Variants in SEH1L observed in about 807,000 individuals in gnomAD.
SEH1L encodes the protein SEH1 like nucleoporin, also known as nucleoporin SEH1.
A neutral mutation model predicts 49.5 loss-of-function variants in SEH1L; 18 were observed. The ratio of observed to expected loss-of-function variants is 0.36; its 90% CI spans 0.25 to 0.54. SEH1L has a LOEUF of 0.54. Ranked by LOEUF, SEH1L falls within the 20% of genes least tolerant of loss-of-function variation. The pLI, the probability that SEH1L is intolerant of heterozygous loss-of-function variation, is 0.87. For missense variants in SEH1L, 404 were observed against 528.8 expected (o/e 0.76, Z 2.31); for synonymous variants, 169 against 178.1 (o/e 0.95, Z 0.41).
chr18:12,952,152 A>G (rs960107392), intron 2 of SEH1L, among the ~76,000 whole-genome samples: 1 of 151,462 alleles, frequency 6.6e-6, no homozygotes, highest in Non-Finnish European at 1.5e-5. Context: ...TTGCCTTTAC[A>G]TATTTTAATT....
intron 8 of SEH1L, 84 bp downstream of exon 8, chr18:12,984,274 AT>A: frequency 7.3e-7 from 1 of 1,365,192 alleles, no homozygotes; most frequent in Non-Finnish European, 1.0e-6. Context: ...TATTTCATGG[AT>A]TATAAGATGG....
In SEH1L at chr18:12,969,231, C is replaced by A. The variant is rs1271026641; in HGVS notation, c.522-1922C>A. Among the ~76,000 whole-genome samples the A allele has an allele frequency of 4.0e-5, 5 of 124,372 alleles. No individual in the cohort carries two copies. The East Asian group carries it at 1.2e-3, about 30-fold the overall frequency. The allele number at this position is 124,372 out of a possible 152,430, so 81.6% of individuals were successfully genotyped here. ...TACCCGCCCCCCCCCCCCCCCCCAC[C>A]TCACCAAAAAGAAAAAACAACAAAG... is the stretch of plus-strand genomic sequence containing the variant. On this transcript the variant is annotated intron_variant, in intron 4 of 8. Coordinates refer to ENST00000399892, the MANE Select transcript of SEH1L (RefSeq NM_001013437.2).
At chr18:12,948,735 A>G (rs2030285526) in intron 1 of SEH1L, 1 of 153,344 alleles carries the variant, frequency 6.5e-6, no homozygotes, top group African/African-American at 2.4e-5. Flanking sequence ...GAAGAAAAAT[A>G]CAAACCATTT....
chr18:12,973,346 C>T (rs924217051), intron 5 of SEH1L: 1 of 150,928 alleles, frequency 6.6e-6, no homozygotes, highest in African/African-American at 2.4e-5. Flanking sequence ...GTCACCCAAG[C>T]TGGAGTGCAG....
chr18:12,957,842 A>C (rs975369887), intron 3 of SEH1L, among the ~76,000 whole-genome samples: 2 of 152,008 alleles, frequency 1.3e-5, no homozygotes, highest in Non-Finnish European at 1.5e-5. Context: ...TTAGCCCCAC[A>C]AGTAGCTGGG....
rs2031063818 is a variant in SEH1L, at chr18:12,959,412, G to C, written c.310-3748G>C. On this transcript the variant is annotated intron_variant, in intron 3 of 8. Transcript: ENST00000399892. ...GCCCAGGCTGGTCTTGAACTCCTGG[G>C]TTCAAGCGATCCTCCACCTTGGCCC... Among the ~76,000 whole-genome samples the C allele has an allele frequency of 1.3e-5, 2 of 152,154 alleles. 1 individual carries two copies. Among genetic ancestry groups the C allele is most frequent in the South Asian group, 4.1e-4 (2 of 4,826 alleles).
intron 8 of SEH1L, chr18:12,985,272 AC>A: frequency 6.2e-7 from 1 of 1,608,114 alleles, no homozygotes. Context: ...AACTGGAGTA[AC>A]TTTGCTGTTT....
chr18:12,959,085 A>G (rs2031044706), intron 3 of SEH1L, among the ~76,000 whole-genome samples: 1 of 152,116 alleles, frequency 6.6e-6, no homozygotes, highest in African/African-American at 2.4e-5. Flanking sequence ...TCTGATTTGC[A>G]TTTCTCTAAT....
At chr18:12,980,597 C>T (rs866765784) in intron 6 of SEH1L, among the ~76,000 whole-genome samples, 2 of 120,002 alleles carry the variant, frequency 1.7e-5, no homozygotes, top group African/African-American at 3.2e-5. Context: ...CCGGACGGGG[C>T]AGCTGGCCGG....
intron 1 of SEH1L, among the ~76,000 whole-genome samples, chr18:12,949,434 C>A (rs1442907157): frequency 1.7e-4 from 22 of 127,768 alleles, no homozygotes; most frequent in Non-Finnish European, 3.3e-5. Flanking sequence ...TAATAAACTA[C>A]GTTAACCGTT....
intron 1 of SEH1L, among the ~76,000 whole-genome samples, chr18:12,951,149 G>A (rs1477645394): frequency 6.6e-6 from 1 of 152,224 alleles, no homozygotes; most frequent in Non-Finnish European, 1.5e-5. Context: ...AAAAGTTTGA[G>A]TCTCAGGACA....
chr18:12,984,063 T>C lies in SEH1L; in HGVS notation c.943T>C (p.Cys315Arg). 3.7e-6 allele frequency: 6 copies of C among 1,613,608 alleles called. No individual in the cohort carries two copies. Among genetic ancestry groups the C allele is most frequent in the Non-Finnish European group, 5.1e-6 (6 of 1,179,572 alleles). Residue 315 changes from cysteine (C) to arginine (R), a missense_variant, in exon 8 of 9, where the codon TGT becomes CGT. Physicochemically the swap from Cys to Arg is radical, Grantham distance 180. Around this residue, in one of 3 missense-constraint regions of SEH1L, gnomAD observed 342 missense variants for 430.8 expected, o/e 0.79. Transcript: ENST00000399892. Reference sequence around the variant, plus strand: ...AGCTAATTATATGGACAATTGGAAGTGTACTGGTATTTTGAAAGGTAATGG... The same window carrying C: ...AGCTAATTATATGGACAATTGGAAGCGTACTGGTATTTTGAAAGGTAATGG... ...WKANYMDNWKCTGILKGNGSP... is the reference protein window; with the variant it reads ...WKANYMDNWKRTGILKGNGSP...
At chr18:12,986,285 G>A (rs1381459482) in intron 8 of SEH1L, 1 of 985,432 alleles carries the variant, frequency 1.0e-6, no homozygotes, top group Non-Finnish European at 1.2e-6. Context: ...GTAGGGCACA[G>A]TCATTCTGTG....
intron 3 of SEH1L, among the ~76,000 whole-genome samples, chr18:12,959,007 C>T (rs574671898): frequency 6.6e-5 from 10 of 152,308 alleles, no homozygotes; most frequent in Admixed American, 5.9e-4. Flanking sequence ...TTCATCAGCA[C>T]TTGTTGTGGT....
intron 8 of SEH1L, 103 bp from the exon 9 acceptor site, chr18:12,986,759 C>G: frequency 1.7e-6 from 2 of 1,209,456 alleles, no homozygotes; most frequent in South Asian, 3.5e-5. Flanking sequence ...GTGTTTTCTC[C>G]TCTTTGGTTC....
At chr18:12,971,784 G>A (rs2031714646) in intron 5 of SEH1L, 1 of 152,850 alleles carries the variant, frequency 6.5e-6, no homozygotes, top group African/African-American at 2.4e-5. Flanking sequence ...ACCTAATCTG[G>A]TTTAGGGGCT....
intron 4 of SEH1L, 118 bp from the exon 5 acceptor site, chr18:12,971,035 C>CTAG: frequency 1.5e-6 from 1 of 682,588 alleles, no homozygotes; most frequent in South Asian, 1.7e-5. Flanking sequence ...CCTAGATTCA[C>CTAG]TAGTAGTGTG....
At chr18:12,984,261 G>A (rs1568233078) in intron 8 of SEH1L, 71 bp downstream of exon 8, 1 of 1,462,844 alleles carries the variant, frequency 6.8e-7, no homozygotes, top group Admixed American at 1.7e-5. Context: ...ACTTAAGGTG[G>A]ATTATTTCAT....
rs761928842 is a variant in SEH1L, at chr18:12,963,140, T to A, written c.310-20T>A. ...CTTTCTTTTTGTATATAATTTAAAT[T>A]GTTATTATTTTTTTTTTAGGTTAAA... On this transcript the variant is annotated intron_variant, in intron 3 of 8. Transcript: ENST00000399892. 6.5e-7 allele frequency: 1 copy of A among 1,543,678 alleles called. No individual in the cohort carries two copies. Among genetic ancestry groups the A allele is most frequent in the South Asian group, 1.2e-5 (1 of 85,148 alleles).
Sources: gnomAD v4.1 joint callset for allele counts (sites outside exome capture counted in the v4.1 genomes callset) on GRCh38, gnomAD v4.1.1 for gene constraint, gnomAD v4.1.1 regional missense constraint, MANE v1.5 for transcripts, NCBI Gene and HGNC (gene_info 2026-07-23, HGNC 2026-07-21) for gene names.